MRTFB: variants seen among roughly 807,000 people sequenced by gnomAD.
MRTFB encodes myocardin related transcription factor B.
A neutral mutation model predicts 104.2 loss-of-function variants in MRTFB; 29 were observed. The ratio of observed to expected loss-of-function variants is 0.28; its 90% CI spans 0.21 to 0.38. MRTFB has a LOEUF of 0.38. Ranked by LOEUF, MRTFB falls within the 10% of genes least tolerant of loss-of-function variation. The probability of loss-of-function intolerance (pLI) is 1.00; values close to 1 mark genes in which losing one functional copy is unlikely to be tolerated. For synonymous variants in MRTFB, 535 were observed against 519.5 expected (o/e 1.03, Z -0.41); for missense variants, 1,270 against 1,341.6 (o/e 0.95, Z 0.83).
At chr16:14,140,494 T>C (rs2037939863) in intron 2 of MRTFB, 50 bp from the exon 3 acceptor site, 3 of 1,349,426 alleles carry the variant, frequency 2.2e-6, no homozygotes, top group Non-Finnish European at 3.0e-6. Context: ...TTTGTGCAAA[T>C]TGGAGAAACA....
chr16:14,249,194 G>A, intron 13 of MRTFB, 113 bp downstream of exon 13: 1 of 1,249,782 alleles, frequency 8.0e-7, no homozygotes, highest in South Asian at 1.5e-5. Context: ...ATTCTTTTCT[G>A]TGATCCATCT....
At chr16:14,167,831 C>A (rs750170637) in intron 3 of MRTFB, among the ~76,000 whole-genome samples, 9 of 152,174 alleles carry the variant, frequency 5.9e-5, no homozygotes, top group Non-Finnish European at 1.0e-4. Flanking sequence ...GCTGGGACTA[C>A]AAGCGCCCGC....
rs919703938 is a variant in MRTFB at position 14,092,933 on chromosome 16, A to G, written c.-64+13579A>G. 4 of 152,204 alleles carry G rather than the reference A, an allele frequency of 2.6e-5. No homozygotes were observed. In the South Asian group the frequency reaches 6.2e-4, roughly 24 times the overall value. 9.4% of individuals were successfully genotyped at this position (152,204 alleles called of 1,614,324 possible). A position where few individuals can be genotyped will look rare whatever the true frequency, so the allele number is the denominator to read the frequency against. The stretch of plus-strand genomic sequence containing the variant: ...TTAAATTTTGTAGTCTAAATAGCAG[A>G]TGTTAACTTAGTTTCATCTTTTATA... On this transcript the variant is annotated intron_variant, in intron 2 of 16. Coordinates refer to ENST00000571589, the MANE Select transcript of MRTFB (RefSeq NM_001308142.2).
chr16:14,036,752 G>A, the MRTFB span, among the ~76,000 whole-genome samples: 3 of 151,956 alleles, frequency 2.0e-5, no homozygotes, highest in African/African-American at 7.2e-5. Flanking sequence ...CTGGCCTGGG[G>A]TAGGATCTCA....
chr16:14,104,863 T>A (rs1233099648), intron 2 of MRTFB, among the ~76,000 whole-genome samples: 3 of 152,188 alleles, frequency 2.0e-5, no homozygotes, highest in Non-Finnish European at 4.4e-5. Flanking sequence ...TACATTTTGT[T>A]GGCCTGCCAT....
chr16:14,042,656 C>T, the MRTFB span, among the ~76,000 whole-genome samples: 1 of 152,154 alleles, frequency 6.6e-6, no homozygotes, highest in African/African-American at 2.4e-5. Flanking sequence ...CCCATAAGTT[C>T]CCTGGCCTTT....
intron 16 of MRTFB, 114 bp from the exon 17 acceptor site, chr16:14,260,795 C>T (rs902850435): frequency 9.6e-6 from 8 of 835,118 alleles, no homozygotes; most frequent in South Asian, 1.8e-5. Context: ...ACTTCTAAGA[C>T]GGACGTGCAT....
At chr16:14,249,876 G>A (rs1274896464) in intron 13 of MRTFB, among the ~76,000 whole-genome samples, 2 of 152,228 alleles carry the variant, frequency 1.3e-5, no homozygotes, top group East Asian at 3.8e-4. Flanking sequence ...CCTCAGGATA[G>A]TGTGAACTGT....
intron 9 of MRTFB, among the ~76,000 whole-genome samples, chr16:14,237,345 GC>G (rs1335885232): frequency 6.6e-6 from 1 of 152,220 alleles, no homozygotes; most frequent in Non-Finnish European, 1.5e-5. Flanking sequence ...CAGCCCTGAA[GC>G]CAGACACGAT....
intron 3 of MRTFB, chr16:14,200,462 G>A: frequency 6.2e-7 from 1 of 1,610,446 alleles, no homozygotes. Flanking sequence ...ACATCCAGTA[G>A]CATCGTTTTT....
rs1199103228 is a variant in MRTFB at position 14,140,702 on chromosome 16, C to T, written c.96C>T (p.Phe32=). 1 of 1,614,118 alleles carries T rather than the reference C, an allele frequency of 6.2e-7. No individual in the cohort carries two copies. The highest frequency in any genetic ancestry group is 1.1e-5 in the South Asian group (1 of 91,076). Residue 32 remains phenylalanine, a synonymous_variant, in exon 3 of 17, where the codon TTC becomes TTT. Transcript: ENST00000571589. ...AGAGTGAAGCTGTGGCTCATGAATT[C>T]CAGGAACTCTCCTTGCAGTCCAGTC... ...SPQSEAVAHE[F]QELSLQSSQN...
At chr16:13,997,672 A>G in the MRTFB span, among the ~76,000 whole-genome samples, 1 of 151,666 alleles carries the variant, frequency 6.6e-6, no homozygotes, top group Non-Finnish European at 1.5e-5. Flanking sequence ...ATGTGCCTAT[A>G]GTCCCAGCTA....
chr16:13,997,955 T>A, the MRTFB span, among the ~76,000 whole-genome samples: 1 of 152,186 alleles, frequency 6.6e-6, no homozygotes, highest in Admixed American at 6.5e-5. Context: ...ACTCAAACCA[T>A]CAACAAACAC....
Position 14,210,316 on chromosome 16 carries a change from T to G in MRTFB, c.220+8T>G. ...ACCAGGGCATCATGCCACGTAAGAT[T>G]TATACCATCACTGCCATCCCTAACG... On this transcript the variant is annotated splice_region_variant and intron_variant, in intron 4 of 16. Transcript: ENST00000571589. 1 of 1,609,992 alleles carries G rather than the reference T, an allele frequency of 6.2e-7. No individual in the cohort carries two copies. The highest frequency in any genetic ancestry group is 8.5e-7 in the Non-Finnish European group (1 of 1,177,254).
chr16:14,163,962 A>G (rs2039138271), intron 3 of MRTFB, among the ~76,000 whole-genome samples: 1 of 152,172 alleles, frequency 6.6e-6, no homozygotes, highest in Admixed American at 6.5e-5. Flanking sequence ...GAGTGGTGTA[A>G]TATTTCGTTA....
chr16:14,249,813 G>GT (rs1317282609), intron 13 of MRTFB, among the ~76,000 whole-genome samples: 1 of 152,194 alleles, frequency 6.6e-6, no homozygotes, highest in Admixed American at 6.5e-5. Context: ...TAATCCCAGA[G>GT]TTTTACTCTT....
At chr16:14,157,761 C>T (rs951834617) in intron 3 of MRTFB, among the ~76,000 whole-genome samples, 1 of 152,120 alleles carries the variant, frequency 6.6e-6, no homozygotes, top group Non-Finnish European at 1.5e-5. Context: ...GCTACAGATA[C>T]TGATACTGAT....
chr16:14,138,527 G>T (rs932218348), intron 2 of MRTFB, among the ~76,000 whole-genome samples: 1 of 152,156 alleles, frequency 6.6e-6, no homozygotes, highest in African/African-American at 2.4e-5. Flanking sequence ...TCTTAAGAGT[G>T]GTGTTTTGTT....
chr16:14,010,631 G>A, the MRTFB span, among the ~76,000 whole-genome samples: 1 of 151,806 alleles, frequency 6.6e-6, no homozygotes, highest in Non-Finnish European at 1.5e-5. Context: ...TCCCTATGTT[G>A]CCTAGGCTGG....
Sources: gnomAD v4.1 joint callset for allele counts (sites outside exome capture counted in the v4.1 genomes callset) on GRCh38, gnomAD v4.1.1 for gene constraint, MANE v1.5 for transcripts, NCBI Gene and HGNC (gene_info 2026-07-23, HGNC 2026-07-21) for gene names.